Variants in KIAA1217 observed in about 807,000 individuals in gnomAD.
KIAA1217 encodes the protein KIAA1217.
KIAA1217 carries 88 observed loss-of-function variants against 163.9 expected under a neutral mutation model. The ratio of observed to expected loss-of-function variants is 0.54; its 90% confidence interval spans 0.45 to 0.64. The LOEUF is 0.64. Ranked by LOEUF, KIAA1217 falls within the 30% of genes least tolerant of loss-of-function variation. KIAA1217 has a pLI of 0.00. For missense variants in KIAA1217, 2,372 were observed against 2,475.0 expected, an observed-to-expected ratio of 0.96 and a Z score of 0.88; for synonymous variants, 903 against 923.1, an observed-to-expected ratio of 0.98 and a Z score of 0.39.
chr10:24,432,743 T>A (rs2059703874), intron 3 of KIAA1217, among the ~76,000 whole-genome samples: 1 of 152,298 alleles, frequency 6.6e-6, no homozygotes, highest in South Asian at 2.1e-4. Context: ...GCATAAGCCA[T>A]TGCACCCAGC....
At position 23,789,988 on chromosome 10, in the gene KIAA1217, T is replaced by TACACATAC. The variant is rs1564421234; in HGVS notation, c.-321+94757_-321+94758insCATACACA. On this transcript the variant is annotated intron_variant, in intron 1 of 18. Transcript: ENST00000376462. ...ATATACATATACATATATACACATATACATATACACATATGCACATACACA... is the reference window on the plus strand; with the variant it reads ...ATATACATATACATATATACACATATACACATACACATATACACATATGCACATACACA... Among the ~76,000 whole-genome samples the TACACATAC allele has an allele frequency of 6.3e-5, 6 of 95,278 alleles. 2 individuals are homozygous for TACACATAC. Among genetic ancestry groups the TACACATAC allele is most frequent in the African/African-American group, 2.4e-4 (5 of 21,146 alleles). The allele number at this position is 95,278 out of a possible 152,430, so 62.5% of individuals were successfully genotyped here. A position where few individuals can be genotyped will look rare whatever the true frequency, so the allele number is the denominator to read the frequency against.
At chr10:24,223,524 C>T (rs1423112771) in intron 2 of KIAA1217, among the ~76,000 whole-genome samples, 1 of 152,124 alleles carries the variant, frequency 6.6e-6, no homozygotes, top group African/African-American at 2.4e-5. Context: ...AGTCAGATAA[C>T]ACACATCTGA....
intron 2 of KIAA1217, among the ~76,000 whole-genome samples, chr10:24,307,236 CT>C (rs1331643480): frequency 1.3e-5 from 2 of 152,134 alleles, no homozygotes; most frequent in Non-Finnish European, 2.9e-5. Flanking sequence ...ATGATTTCTC[CT>C]TTTTTCTTAG....
chr10:23,844,897 C>T (rs1209489482), intron 1 of KIAA1217, among the ~76,000 whole-genome samples: 1 of 152,094 alleles, frequency 6.6e-6, no homozygotes, highest in Non-Finnish European at 1.5e-5. Flanking sequence ...TAGCCCCCCG[C>T]ACCTCGACAG....
intron 2 of KIAA1217, among the ~76,000 whole-genome samples, chr10:24,200,232 A>G (rs2067190108): frequency 1.4e-5 from 2 of 147,718 alleles, no homozygotes; most frequent in African/African-American, 5.0e-5. Context: ...TTTTTTTAAG[A>G]GATGGGGCCT....
At position 24,402,528 on chromosome 10, in the gene KIAA1217, C is replaced by CAA. The variant is rs56323500; in HGVS notation, c.553+21474_553+21475dup. 1.3e-4 allele frequency among the ~76,000 whole-genome samples: 10 copies of CAA among 77,208 alleles called. 1 individual carries two copies. In the East Asian group the frequency reaches 1.8e-3, roughly 14 times the overall value. The allele number at this position is 77,208 out of a possible 152,430, so 50.7% of individuals were successfully genotyped here. A position where few individuals can be genotyped will look rare whatever the true frequency, so the allele number is the denominator to read the frequency against. On this transcript the variant is annotated intron_variant, in intron 3 of 20. Coordinates refer to ENST00000376454, the MANE Select transcript of KIAA1217 (RefSeq NM_019590.5). Reference sequence around the variant, plus strand: ...CCTCTCAAAAAAACAAAAAACAAAACAAAAAAAAAAAAAAGGCAAAGGAGT... The same window carrying CAA: ...CCTCTCAAAAAAACAAAAAACAAAACAAAAAAAAAAAAAAAAGGCAAAGGAGT...
chr10:24,271,812 TC>T (rs1350066823), intron 2 of KIAA1217, among the ~76,000 whole-genome samples: 1 of 151,812 alleles, frequency 6.6e-6, no homozygotes, highest in African/African-American at 2.4e-5. Context: ...TAATAAACTT[TC>T]CCCCTGTACG....
intron 2 of KIAA1217, among the ~76,000 whole-genome samples, chr10:24,146,960 T>G (rs79376688): frequency 1.3e-5 from 2 of 150,938 alleles, no homozygotes; most frequent in East Asian, 3.9e-4. Context: ...TACTCGCACA[T>G]TTCCGTGTTC....
At chr10:23,790,554 T>TGTAC (rs1835847573) in intron 1 of KIAA1217, among the ~76,000 whole-genome samples, 1 of 115,046 alleles carries the variant, frequency 8.7e-6, no homozygotes, top group African/African-American at 4.6e-5. Flanking sequence ...CATATATACA[T>TGTAC]ATGTACATAT....
At chr10:24,385,768 G>A (rs2053922797) in intron 3 of KIAA1217, among the ~76,000 whole-genome samples, 1 of 152,124 alleles carries the variant, frequency 6.6e-6, no homozygotes, top group Non-Finnish European at 1.5e-5. Flanking sequence ...AAATAGAGAA[G>A]ACCAGGAGAA....
chr10:24,229,806 C>G (rs2071118848), intron 2 of KIAA1217, among the ~76,000 whole-genome samples: 1 of 152,090 alleles, frequency 6.6e-6, no homozygotes, highest in Non-Finnish European at 1.5e-5. Context: ...CCACTGTACC[C>G]AGCCTCAGAG....
intron 1 of KIAA1217, among the ~76,000 whole-genome samples, chr10:23,985,915 C>T (rs1206131170): frequency 6.6e-6 from 1 of 152,174 alleles, no homozygotes; most frequent in East Asian, 1.9e-4. Context: ...AACTCCAAAT[C>T]GATGGATGCA....
At chr10:23,890,953 T>A (rs1192745515) in intron 1 of KIAA1217, among the ~76,000 whole-genome samples, 3 of 151,990 alleles carry the variant, frequency 2.0e-5, no homozygotes. Context: ...TTGCTATGTC[T>A]TTCTGATAAA....
intron 1 of KIAA1217, among the ~76,000 whole-genome samples, chr10:23,853,182 C>T (rs553517117): frequency 9.2e-5 from 14 of 152,168 alleles, no homozygotes; most frequent in Admixed American, 2.6e-4. Context: ...TTTTGAGATA[C>T]GTCCCATCAA....
chr10:24,107,872 A>T (rs546690630), intron 2 of KIAA1217, among the ~76,000 whole-genome samples: 1 of 152,346 alleles, frequency 6.6e-6, no homozygotes, highest in South Asian at 2.1e-4. Flanking sequence ...TGTTTAGGTT[A>T]TCAGCTTTAA....
intron 2 of KIAA1217, among the ~76,000 whole-genome samples, chr10:24,262,889 G>A (rs11591863): frequency 0.27 from 41,395 of 150,886 alleles, 6,381 homozygotes; most frequent in Middle Eastern, 0.35. Context: ...GGTGGAGGCT[G>A]CAGTGAGCCA....
At chr10:23,915,592 G>A (rs1214882681) in intron 1 of KIAA1217, among the ~76,000 whole-genome samples, 1 of 152,170 alleles carries the variant, frequency 6.6e-6, no homozygotes, top group Non-Finnish European at 1.5e-5. Flanking sequence ...GCATGCTAGG[G>A]AAAGATGGGT....
chr10:24,515,637 C>T (rs908711152), intron 10 of KIAA1217, among the ~76,000 whole-genome samples: 1 of 152,108 alleles, frequency 6.6e-6, no homozygotes, highest in Non-Finnish European at 1.5e-5. Flanking sequence ...AGTATAGCCC[C>T]GAACAGGGGA....
intron 1 of KIAA1217, among the ~76,000 whole-genome samples, chr10:24,218,852 A>C (rs1174327222): frequency 6.6e-6 from 1 of 152,012 alleles, no homozygotes; most frequent in Non-Finnish European, 1.5e-5. Flanking sequence ...GAGAAAATAA[A>C]ATTTTCAAAT....
Sources: gnomAD v4.1 joint callset for allele counts (sites outside exome capture counted in the v4.1 genomes callset) on GRCh38, gnomAD v4.1.1 for gene constraint, MANE v1.5 for transcripts, NCBI Gene and HGNC (gene_info 2026-07-23, HGNC 2026-07-21) for gene names.